The following STON2 variants were observed in gnomAD, a reference collection of about 807,000 sequenced individuals.
STON2 encodes the protein stonin 2, also known as stonin-2.
STON2 carries 29 observed loss-of-function variants against 65.7 expected under a neutral mutation model. That is an observed-to-expected ratio of 0.44 (90% CI 0.33 to 0.60). The LOEUF (loss-of-function observed/expected upper bound fraction) is 0.60. Among genes scored for constraint, STON2 ranks in the 20% least tolerant of loss-of-function variants. STON2 has a pLI of 0.03. For synonymous variants in STON2, 404 were observed against 414.2 expected (o/e 0.98, Z 0.30); for missense variants, 1,054 against 1,118.1 (o/e 0.94, Z 0.82).
At chr14:81,410,278 CAA>C (rs1161157573) in intron 2 of STON2, among the ~76,000 whole-genome samples, 686 of 45,708 alleles carry the variant, frequency 0.015, 1 homozygote, top group South Asian at 0.047. Flanking sequence ...TAACTCTAAC[CAA>C]AAAAAAAAAA....
At chr14:81,292,938 C>T (rs74065073) in intron 5 of STON2, among the ~76,000 whole-genome samples, 4,789 of 152,256 alleles carry the variant, frequency 0.031, 107 homozygotes, top group African/African-American at 0.055. Context: ...TGCATCCCTC[C>T]GCACTGATCT....
chr14:81,384,321 C>T (rs915151157), intron 3 of STON2, among the ~76,000 whole-genome samples: 1 of 152,144 alleles, frequency 6.6e-6, no homozygotes, highest in Admixed American at 6.6e-5. Context: ...AATCTCAACT[C>T]ACTGCAACCT....
chr14:81,404,974 T>C (rs1900775882), upstream of STON2, among the ~76,000 whole-genome samples: 1 of 152,256 alleles, frequency 6.6e-6, no homozygotes, highest in Non-Finnish European at 1.5e-5. Flanking sequence ...TTACTCATGC[T>C]TATATAATGT....
intron 1 of STON2, 120 bp from the exon 2 acceptor site, chr14:81,398,700 G>A (rs775176110): frequency 4.4e-6 from 1 of 228,838 alleles, no homozygotes; most frequent in Non-Finnish European, 8.4e-6. Context: ...TTTCCAACTT[G>A]CCTTACTTCA....
chr14:81,342,958 C>T (rs1022897375), intron 4 of STON2, among the ~76,000 whole-genome samples: 9 of 152,124 alleles, frequency 5.9e-5, no homozygotes, highest in African/African-American at 1.7e-4. Context: ...ACAAGTCAAG[C>T]GGCAATGCCT....
chr14:81,326,450 A>T lies in STON2; in HGVS notation c.572-2263T>A, dbSNP rs533684946. Among the ~76,000 whole-genome samples the T allele has an allele frequency of 4.6e-5, 7 of 152,246 alleles. No homozygotes were observed. The East Asian group carries it at 1.2e-3, about 25-fold the overall frequency. On this transcript the variant is annotated intron_variant, in intron 4 of 7. Coordinates refer to ENST00000614646, the MANE Select transcript of STON2 (RefSeq NM_001394390.1). ...AAAGAATATCCAGAAGATTGTGTGGATCTTCTCTAAAAGTATATACCTTGT... is the reference window on the plus strand; with the variant it reads ...AAAGAATATCCAGAAGATTGTGTGGTTCTTCTCTAAAAGTATATACCTTGT...
chr14:81,366,403 C>T (rs1468217822), intron 4 of STON2, among the ~76,000 whole-genome samples: 4 of 152,094 alleles, frequency 2.6e-5, no homozygotes, highest in African/African-American at 7.2e-5. Flanking sequence ...CACCGTAATC[C>T]CTCTCCAAAC....
At chr14:81,413,330 T>C in intron 2 of STON2, 1 of 1,059,846 alleles carries the variant, frequency 9.4e-7, no homozygotes, top group Non-Finnish European at 1.3e-6. Flanking sequence ...TTTTCAGCCT[T>C]GCTAAGGGAA....
Position 81,263,302 on chromosome 14 carries a change from G to C in STON2, c.*5112C>G. On this transcript the variant is annotated 3_prime_UTR_variant, in exon 8 of 8. Coordinates refer to ENST00000614646, the MANE Select transcript of STON2 (RefSeq NM_001394390.1). ...GCCTGTTATCCTAGCACTCTGGGAG[G>C]CTAAGGCGGGTGGATCACCTGAGCT... 3.6e-6 allele frequency: 1 copy of C among 277,946 alleles called. No homozygotes were observed. Among genetic ancestry groups the C allele is most frequent in the Non-Finnish European group, 5.5e-6 (1 of 183,352 alleles). The allele number at this position is 277,946 out of a possible 1,614,324, so 17.2% of individuals were successfully genotyped here. A position where few individuals can be genotyped will look rare whatever the true frequency, so the allele number is the denominator to read the frequency against.
intron 5 of STON2, among the ~76,000 whole-genome samples, chr14:81,290,221 A>G (rs962585799): frequency 6.6e-6 from 1 of 152,212 alleles, no homozygotes; most frequent in African/African-American, 2.4e-5. Context: ...TCTTAGCCTC[A>G]TAGGCAAACA....
intron 4 of STON2, among the ~76,000 whole-genome samples, chr14:81,366,136 C>T (rs191872581): frequency 8.3e-4 from 127 of 152,312 alleles, no homozygotes; most frequent in African/African-American, 2.8e-3. Context: ...TCTGCCCCCC[C>T]GCACCCTGTG....
intron 2 of STON2, among the ~76,000 whole-genome samples, chr14:81,425,148 A>G (rs1382041517): frequency 6.6e-6 from 1 of 152,258 alleles, no homozygotes; most frequent in Non-Finnish European, 1.5e-5. Context: ...GATTCTCCAC[A>G]TCTCTGGGTT....
chr14:81,270,375 G>A (rs1028620259), intron 7 of STON2: 6 of 1,361,470 alleles, frequency 4.4e-6, no homozygotes, highest in Non-Finnish European at 5.7e-6. Context: ...GTGAGCCACT[G>A]TGCCTGGCCC....
chr14:81,379,139 A>G (rs1229078019), intron 3 of STON2, among the ~76,000 whole-genome samples: 4 of 152,244 alleles, frequency 2.6e-5, no homozygotes, highest in Non-Finnish European at 2.9e-5. Flanking sequence ...AGACTTTACC[A>G]ATAAGTTAGC....
intron 5 of STON2, among the ~76,000 whole-genome samples, chr14:81,282,488 T>C (rs78779682): frequency 0.073 from 11,059 of 152,222 alleles, 645 homozygotes; most frequent in African/African-American, 0.16. Flanking sequence ...TCAGTAGATG[T>C]AGGCTGTTCT....
Position 81,270,753 on chromosome 14 carries a change from T to C in STON2, c.2701A>G (p.Lys901Glu), listed in dbSNP as rs781565448. Residue 901 changes from lysine (K) to glutamate (E), a missense_variant, in exon 7 of 8, where the codon AAA becomes GAA. By Grantham distance (56) the Lys-to-Glu change is moderately conservative. Coordinates refer to ENST00000614646, the MANE Select transcript of STON2 (RefSeq NM_001394390.1). ...EFSMPTTSASKASVRSISVED... is the reference protein window; with the variant it reads ...EFSMPTTSASEASVRSISVED... ...ACAGAGATAGATCTCACGCTGGCTT[T>C]GGAGGCAGAAGTTGTGGGCATGCTG... is the stretch of plus-strand genomic sequence containing the variant. 3 of 1,614,148 alleles carry C rather than the reference T, an allele frequency of 1.9e-6. No homozygotes were observed. Among genetic ancestry groups the C allele is most frequent in the Non-Finnish European group, 2.5e-6 (3 of 1,180,028 alleles).
chr14:81,305,585 T>A (rs1389153835), intron 5 of STON2, among the ~76,000 whole-genome samples: 2 of 152,198 alleles, frequency 1.3e-5, no homozygotes, highest in Non-Finnish European at 2.9e-5. Context: ...AAGTTTTTTT[T>A]ATATATTCAG....
In STON2 at chr14:81,267,116, C is replaced by G; in HGVS notation, c.*1298G>C. 2.0e-5 allele frequency: 20 copies of G among 985,206 alleles called. No individual in the cohort carries two copies. Among genetic ancestry groups the G allele is most frequent in the Non-Finnish European group, 2.4e-5 (20 of 829,854 alleles). 61.0% of individuals were successfully genotyped at this position (985,206 alleles called of 1,614,324 possible). On this transcript the variant is annotated 3_prime_UTR_variant, in exon 8 of 8. Coordinates refer to ENST00000614646, the MANE Select transcript of STON2 (RefSeq NM_001394390.1). ...TCCAATGAAGTGTGCTTTCTGTCCC[C>G]CGACTTGTATTCTTCATGGGAGAAA...
chr14:81,278,167 C>T lies in STON2; in HGVS notation c.1315G>A (p.Val439Ile), dbSNP rs1894944525. Residue 439 changes from valine to isoleucine, a missense_variant, in exon 6 of 8, where the codon GTT becomes ATT. By Grantham distance (29) the Val-to-Ile change is conservative (BLOSUM62 3). Transcript: ENST00000614646. The stretch of plus-strand genomic sequence containing the variant: ...ATTTGGAGTTGTTTGAGTTTTTCAA[C>T]AGCATCAGAGTGTGACTGGGTTTTG... The part of the protein sequence containing the change: ...SSKTQSHSDA[V>I]EKLKQLQIDD... 1 of 1,614,126 alleles carries T rather than the reference C, an allele frequency of 6.2e-7. No homozygotes were observed. The highest frequency in any genetic ancestry group is 8.5e-7 in the Non-Finnish European group (1 of 1,180,014).
Sources: allele counts gnomAD v4.1 joint callset (sites outside exome capture counted in the v4.1 genomes callset), GRCh38; gene constraint gnomAD v4.1.1; transcripts MANE v1.5; gene names NCBI Gene and HGNC (gene_info 2026-07-23, HGNC 2026-07-21).